Variants in PEAR1 observed in about 807,000 individuals in gnomAD.
PEAR1 encodes the protein platelet endothelial aggregation receptor 1, also known as multiple EGF-like domains protein 12.
PEAR1 carries 113 observed loss-of-function variants against 131.2 expected under a neutral mutation model. The observed-to-expected ratio is 0.86, with a 90% CI of 0.74 to 1.01. The LOEUF (loss-of-function observed/expected upper bound fraction) is 1.01. PEAR1 is among the 50% of genes least tolerant of loss of function. The pLI is 0.00. For missense variants in PEAR1, 1,408 were observed against 1,391.1 expected (o/e 1.01, Z -0.19); for synonymous variants, 565 against 523.3 (o/e 1.08, Z -1.09).
chr1:156,916,209 C>T lies in PEAR1; in HGVS notation c.*1411C>T, dbSNP rs186921869. 4 of 152,222 alleles carry T rather than the reference C, an allele frequency of 2.6e-5. No homozygotes were observed. Among genetic ancestry groups the T allele is most frequent in the Admixed American group, 6.5e-5 (1 of 15,282 alleles). 9.4% of individuals were successfully genotyped at this position (152,222 alleles called of 1,614,324 possible). On this transcript the variant is annotated 3_prime_UTR_variant, in exon 23 of 23. Transcript: ENST00000292357. Reference sequence around the variant, plus strand: ...CAGAGAAATTGAAGATTTGTGTCAACACTGCTTTAAGCAAATCTGTTGGCA... The same window carrying T: ...CAGAGAAATTGAAGATTTGTGTCAATACTGCTTTAAGCAAATCTGTTGGCA...
In PEAR1 at chr1:156,908,604, C is replaced by A; in HGVS notation, c.1116-51C>A. 6.9e-7 allele frequency: 1 copy of A among 1,458,136 alleles called. No individual in the cohort carries two copies. The highest frequency in any genetic ancestry group is 1.4e-5 in the South Asian group (1 of 73,186). The allele number at this position is 1,458,136 out of a possible 1,614,324, so 90.3% of individuals were successfully genotyped here. A position where few individuals can be genotyped will look rare whatever the true frequency, so the allele number is the denominator to read the frequency against. On this transcript the variant is annotated intron_variant, in intron 9 of 22. Coordinates refer to ENST00000292357, the MANE Select transcript of PEAR1 (RefSeq NM_001080471.3). The surrounding 1 kb of genome is among the most constrained non-coding windows in gnomAD (Gnocchi z 4.2). ...ACCACGCGGAGGGGTCGGGAAGCTGCCCTGCCCCTGCCCAGCTCAGACCGC... is the reference window on the plus strand; with the variant it reads ...ACCACGCGGAGGGGTCGGGAAGCTGACCTGCCCCTGCCCAGCTCAGACCGC...
At position 156,915,056 on chromosome 1, in the gene PEAR1, G is replaced by C. The variant is rs1426701635; in HGVS notation, c.*258G>C. The C allele has an allele frequency of 2.3e-6, 1 of 435,960 alleles. No homozygotes were observed. The highest frequency in any genetic ancestry group is 2.0e-5 in the African/African-American group (1 of 49,444). 27.0% of individuals were successfully genotyped at this position (435,960 alleles called of 1,614,324 possible). Reference sequence around the variant, plus strand: ...GGGCCCTGTGTACATAAACTGGTGGGTTGGAAGTTGCTGGGTAACTCTGAT... The same window carrying C: ...GGGCCCTGTGTACATAAACTGGTGGCTTGGAAGTTGCTGGGTAACTCTGAT... On this transcript the variant is annotated 3_prime_UTR_variant, in exon 23 of 23. Transcript: ENST00000292357.
At chr1:156,898,449 C>T (rs557420365) in intron 1 of PEAR1, among the ~76,000 whole-genome samples, 9 of 152,248 alleles carry the variant, frequency 5.9e-5, no homozygotes, top group African/African-American at 1.2e-4. Context: ...CCTGGCGTGC[C>T]GAGGGCCTGG....
intron 18 of PEAR1, 44 bp downstream of exon 18, chr1:156,913,026 A>T: frequency 6.2e-7 from 1 of 1,607,828 alleles, no homozygotes; most frequent in Non-Finnish European, 8.5e-7. Flanking sequence ...TGGCTGGCTC[A>T]TAGGCACAAG....
intron 1 of PEAR1, 42 bp downstream of exon 1, chr1:156,893,879 GC>G (rs1648888452): frequency 6.6e-6 from 1 of 152,270 alleles, no homozygotes; most frequent in Non-Finnish European, 1.5e-5. Flanking sequence ...GCCCGGTGGT[GC>G]GGCCCCGGAG....
At chr1:156,911,974 G>A (rs978552659) in intron 15 of PEAR1, among the ~76,000 whole-genome samples, 1 of 152,230 alleles carries the variant, frequency 6.6e-6, no homozygotes. Context: ...GAAGCCTTTG[G>A]TTGTGTGGCA....
At chr1:156,914,173 G>A in intron 22 of PEAR1, 73 bp downstream of exon 22, 1 of 1,467,160 alleles carries the variant, frequency 6.8e-7, no homozygotes, top group Non-Finnish European at 9.0e-7. Flanking sequence ...AGAAGGAACA[G>A]AGGGAGAAGA....
At chr1:156,907,204 C>G (rs150764730) in intron 6 of PEAR1, among the ~76,000 whole-genome samples, 1 of 152,300 alleles carries the variant, frequency 6.6e-6, no homozygotes, top group Non-Finnish European at 1.5e-5. Flanking sequence ...AACCCTGTTG[C>G]AAGGCAGGGT....
intron 20 of PEAR1, 30 bp downstream of exon 20, chr1:156,913,553 G>A (rs374849150): frequency 1.7e-5 from 27 of 1,609,202 alleles, no homozygotes; most frequent in Non-Finnish European, 2.0e-5. Context: ...GGTCTCTGGC[G>A]CGGGTGGATG....
At chr1:156,897,382 T>C (rs1649266150) in intron 1 of PEAR1, among the ~76,000 whole-genome samples, 1 of 152,204 alleles carries the variant, frequency 6.6e-6, no homozygotes, top group Non-Finnish European at 1.5e-5. Context: ...GAAACCAGAC[T>C]CACAAACCAG....
intron 2 of PEAR1, 54 bp downstream of exon 2, chr1:156,904,081 C>T: frequency 7.0e-7 from 1 of 1,420,116 alleles, no homozygotes; most frequent in South Asian, 1.1e-5. Flanking sequence ...TCCCGATTGT[C>T]CCTATTGTCC....
rs201077239 is a variant in PEAR1, at chr1:156,913,554, C to T, written c.2644+31C>T. ...TGCCGGGAGGCCAGGGTCTCTGGCG[C>T]GGGTGGATGTGTGCAGCCCAGATGC... On this transcript the variant is annotated intron_variant, in intron 20 of 22. Coordinates refer to ENST00000292357, the MANE Select transcript of PEAR1 (RefSeq NM_001080471.3). 1,220 of 1,608,996 alleles carry T rather than the reference C, an allele frequency of 7.6e-4. 7 individuals are homozygous for T. In the African/African-American group the frequency reaches 0.014, roughly 18 times the overall value.
intron 1 of PEAR1, among the ~76,000 whole-genome samples, chr1:156,898,948 A>C (rs1462464482): frequency 6.6e-6 from 1 of 152,218 alleles, no homozygotes; most frequent in African/African-American, 2.4e-5. Context: ...AGAGTTTCTG[A>C]TGAAGAACAA....
At chr1:156,909,964 C>T (rs1311271356) in intron 12 of PEAR1, 42 bp from the exon 13 acceptor site, 1 of 1,612,460 alleles carries the variant, frequency 6.2e-7, no homozygotes, top group Non-Finnish European at 8.5e-7. Context: ...GCATGGCGTC[C>T]CCCAGCTGAC....
chr1:156,903,437 T>A (rs764274939), intron 1 of PEAR1, among the ~76,000 whole-genome samples: 3 of 152,168 alleles, frequency 2.0e-5, no homozygotes, highest in Non-Finnish European at 4.4e-5. Flanking sequence ...GTCTCACACC[T>A]TGGTACAAAT....
At chr1:156,907,570 T>TTA (rs1650473919) in intron 6 of PEAR1, 40 bp from the exon 7 acceptor site, 1 of 1,583,750 alleles carries the variant, frequency 6.3e-7, no homozygotes, top group African/African-American at 1.3e-5. Flanking sequence ...AAGCAGTTAT[T>TTA]GCTTGTTTGC....
chr1:156,897,509 C>G (rs1314635927), intron 1 of PEAR1, among the ~76,000 whole-genome samples: 1 of 152,234 alleles, frequency 6.6e-6, no homozygotes, highest in East Asian at 1.9e-4. Flanking sequence ...AGGAGGTACA[C>G]TGGTGCCAGG....
intron 2 of PEAR1, among the ~76,000 whole-genome samples, chr1:156,904,307 G>C (rs1471899999): frequency 1.3e-5 from 2 of 152,192 alleles, no homozygotes; most frequent in African/African-American, 4.8e-5. Context: ...ACAGAGCGCA[G>C]AGTGGGAGCC....
intron 15 of PEAR1, among the ~76,000 whole-genome samples, chr1:156,911,436 C>A (rs1182276706): frequency 6.6e-6 from 1 of 151,638 alleles, no homozygotes; most frequent in Non-Finnish European, 1.5e-5. Context: ...CACACCACCA[C>A]AGCAGGCTAA....
Sources: allele counts gnomAD v4.1 joint callset (sites outside exome capture counted in the v4.1 genomes callset), GRCh38; gene constraint gnomAD v4.1.1; non-coding constraint Gnocchi (gnomAD v3.1); transcripts MANE v1.5; gene names NCBI Gene and HGNC (gene_info 2026-07-23, HGNC 2026-07-21).